Variants in TMEM135 observed in about 807,000 individuals in gnomAD.
The protein encoded by TMEM135 is peroxisomal membrane protein 52.
Under a neutral mutation model 60.3 loss-of-function variants are expected in TMEM135, and 30 were observed. The ratio of observed to expected loss-of-function variants is 0.50; its 90% CI spans 0.37 to 0.68. The LOEUF (loss-of-function observed/expected upper bound fraction) is 0.68, where lower values mean the gene tolerates loss of function less well. Among genes scored for constraint, TMEM135 ranks in the 30% least tolerant of loss-of-function variants. The probability of loss-of-function intolerance (pLI) is 0.00; values close to 1 mark genes in which losing one functional copy is unlikely to be tolerated. For synonymous variants in TMEM135, 190 were observed against 186.7 expected, an observed-to-expected ratio of 1.02 and a Z score of -0.14; for missense variants, 468 against 548.8, an observed-to-expected ratio of 0.85 and a Z score of 1.47.
At chr11:87,301,093 A>G (rs1410943055) in intron 7 of TMEM135, among the ~76,000 whole-genome samples, 3 of 152,208 alleles carry the variant, frequency 2.0e-5, no homozygotes, top group Admixed American at 2.0e-4. Context: ...CACAGCTGCC[A>G]TCTGGTGACA....
chr11:87,324,110 T>C lies in TMEM135; in HGVS notation c.*2777T>C. ...ACAGTATTTTCTTGTTGTGCTCGAG[T>C]GTTCGTCTCCTTGTAGATTGTATCT... On this transcript the variant is annotated 3_prime_UTR_variant, in exon 15 of 15. Coordinates refer to ENST00000305494, the MANE Select transcript of TMEM135 (RefSeq NM_022918.4). 1 of 454,088 alleles carries C rather than the reference T, an allele frequency of 2.2e-6. No individual in the cohort carries two copies. The highest frequency in any genetic ancestry group is 4.4e-6 in the Non-Finnish European group (1 of 226,792). The allele number at this position is 454,088 out of a possible 1,614,324, so 28.1% of individuals were successfully genotyped here. A position where few individuals can be genotyped will look rare whatever the true frequency, so the allele number is the denominator to read the frequency against.
intron 6 of TMEM135, among the ~76,000 whole-genome samples, chr11:87,242,516 GT>G (rs1941161893): frequency 1.3e-5 from 1 of 79,940 alleles, no homozygotes; most frequent in African/African-American, 4.7e-5. Flanking sequence ...AGCACCTGTT[GT>G]TTCCTGACTT....
intron 5 of TMEM135, among the ~76,000 whole-genome samples, chr11:87,229,971 A>C (rs1326240948): frequency 6.6e-6 from 1 of 152,026 alleles, no homozygotes; most frequent in Non-Finnish European, 1.5e-5. Flanking sequence ...TTACCAGTTT[A>C]ATATATCAGT....
At chr11:87,256,078 C>T (rs1443162917) in intron 6 of TMEM135, among the ~76,000 whole-genome samples, 1 of 152,118 alleles carries the variant, frequency 6.6e-6, no homozygotes, top group Non-Finnish European at 1.5e-5. Flanking sequence ...GTAGATTACT[C>T]CCTGTCTCCA....
intron 5 of TMEM135, among the ~76,000 whole-genome samples, chr11:87,218,413 C>A (rs762743467): frequency 5.9e-5 from 9 of 152,278 alleles, no homozygotes; most frequent in African/African-American, 2.2e-4. Context: ...TGCCCTCATG[C>A]TCTGTACCAC....
chr11:87,084,856 G>A (rs1005642270), intron 3 of TMEM135, among the ~76,000 whole-genome samples: 1 of 152,148 alleles, frequency 6.6e-6, no homozygotes, highest in Non-Finnish European at 1.5e-5. Context: ...AGTTTAACAA[G>A]TTACTTATTG....
intron 2 of TMEM135, 106 bp downstream of exon 2, chr11:87,067,927 CT>C: frequency 1.6e-5 from 23 of 1,394,870 alleles, no homozygotes; most frequent in Non-Finnish European, 2.1e-5. Context: ...CCCGCCCCCC[CT>C]TTTTTTAATC....
intron 4 of TMEM135, among the ~76,000 whole-genome samples, chr11:87,115,673 T>C (rs1857861926): frequency 1.3e-5 from 2 of 152,150 alleles, no homozygotes; most frequent in Admixed American, 1.3e-4. Context: ...AAAATATTCA[T>C]GATTCACCTT....
At chr11:87,071,719 T>G in intron 3 of TMEM135, 104 bp downstream of exon 3, 5 of 698,280 alleles carry the variant, frequency 7.2e-6, no homozygotes, top group Non-Finnish European at 1.2e-5. Context: ...GAAATATTTC[T>G]AGATATATTT....
At chr11:87,078,239 A>C (rs376393940) in intron 3 of TMEM135, among the ~76,000 whole-genome samples, 3 of 152,148 alleles carry the variant, frequency 2.0e-5, no homozygotes, top group Non-Finnish European at 2.9e-5. Context: ...TTTGGCTATC[A>C]CTTGTTATTA....
chr11:87,064,754 G>A (rs868748272), intron 1 of TMEM135, among the ~76,000 whole-genome samples: 2 of 152,090 alleles, frequency 1.3e-5, no homozygotes, highest in Non-Finnish European at 2.9e-5. Context: ...CGTGGTGGCC[G>A]GCGCCTGTAA....
intron 5 of TMEM135, among the ~76,000 whole-genome samples, chr11:87,226,811 G>A (rs1024139039): frequency 5.9e-5 from 9 of 152,140 alleles, no homozygotes; most frequent in Admixed American, 1.3e-4. Flanking sequence ...TTTAGAGTCC[G>A]AGGCAGGTGG....
At chr11:87,185,394 C>A (rs566420741) in intron 5 of TMEM135, among the ~76,000 whole-genome samples, 4 of 152,096 alleles carry the variant, frequency 2.6e-5, no homozygotes, top group South Asian at 2.1e-4. Context: ...GAAACCAGAC[C>A]GTAAAGCTTC....
rs190118202 is a variant in TMEM135 at position 87,184,659 on chromosome 11, G to C, written c.462+27253G>C. ...CTTTTTTTCCCTTAAATAGTATTGTGTTATATAAGAGACTCTAAATATAAT... is the reference window on the plus strand; with the variant it reads ...CTTTTTTTCCCTTAAATAGTATTGTCTTATATAAGAGACTCTAAATATAAT... On this transcript the variant is annotated intron_variant, in intron 5 of 14. Transcript: ENST00000305494. Among the ~76,000 whole-genome samples the C allele has an allele frequency of 4.6e-5, 7 of 152,038 alleles. No homozygotes were observed. The East Asian group carries it at 1.4e-3, about 29-fold the overall frequency.
chr11:87,135,062 A>T (rs995667952), intron 4 of TMEM135, among the ~76,000 whole-genome samples: 1 of 152,272 alleles, frequency 6.6e-6, no homozygotes, highest in African/African-American at 2.4e-5. Context: ...TTTCAAAACT[A>T]TTGCATATTT....
chr11:87,231,959 T>G (rs1156538810), intron 5 of TMEM135, among the ~76,000 whole-genome samples: 3 of 151,690 alleles, frequency 2.0e-5, no homozygotes, highest in Admixed American at 6.6e-5. Context: ...AGAGACTTTT[T>G]TTTTTTTTTT....
chr11:87,149,308 A>T (rs1040394358), intron 4 of TMEM135, among the ~76,000 whole-genome samples: 1 of 152,140 alleles, frequency 6.6e-6, no homozygotes, highest in Non-Finnish European at 1.5e-5. Context: ...CTACTTAGCA[A>T]TTCTATGTTC....
chr11:87,065,611 G>C lies in TMEM135; in HGVS notation c.142-2083G>C, dbSNP rs561665527. On this transcript the variant is annotated intron_variant, in intron 1 of 14. Coordinates refer to ENST00000305494, the MANE Select transcript of TMEM135 (RefSeq NM_022918.4). ...TTTCTAAGTATTTTCTTCTCTTCTG[G>C]AGCTTGCCTTTTTAAATTTCCCAAC... Among the ~76,000 whole-genome samples, 42 of 152,114 alleles carry C rather than the reference G, an allele frequency of 2.8e-4. No individual in the cohort carries two copies. The South Asian group carries it at 6.4e-3, about 23-fold the overall frequency.
chr11:87,098,176 C>T (rs1043792968), intron 4 of TMEM135, among the ~76,000 whole-genome samples: 2 of 150,676 alleles, frequency 1.3e-5, no homozygotes, highest in African/African-American at 4.9e-5. Context: ...CAGACCTTGG[C>T]GATGACCTTG....
Sources: allele counts gnomAD v4.1 joint callset (sites outside exome capture counted in the v4.1 genomes callset), GRCh38; gene constraint gnomAD v4.1.1; transcripts MANE v1.5; gene names NCBI Gene and HGNC (gene_info 2026-07-23, HGNC 2026-07-21).